Variants in SEC24D observed in about 807,000 individuals in gnomAD.
SEC24D encodes protein transport protein Sec24D.
SEC24D carries 69 observed loss-of-function variants against 116.9 expected under a neutral mutation model. The ratio of observed to expected loss-of-function variants is 0.59; its 90% CI spans 0.49 to 0.72. SEC24D has a LOEUF of 0.72. SEC24D is among the 30% of genes least tolerant of loss of function. SEC24D has a pLI of 0.00. For synonymous variants in SEC24D, 405 were observed against 442.8 expected (o/e 0.91, Z 1.07); for missense variants, 1,131 against 1,264.1 (o/e 0.89, Z 1.60).
chr4:118,785,824 G>A (rs1415731539), intron 8 of SEC24D, among the ~76,000 whole-genome samples: 1 of 152,086 alleles, frequency 6.6e-6, no homozygotes, highest in Non-Finnish European at 1.5e-5. Flanking sequence ...GAAGGGGTTT[G>A]ATGACATCCC....
At chr4:118,820,245 A>G (rs1307994269) in intron 3 of SEC24D, among the ~76,000 whole-genome samples, 2 of 149,352 alleles carry the variant, frequency 1.3e-5, no homozygotes, top group African/African-American at 2.5e-5. Flanking sequence ...AAATGGCAAG[A>G]TCTCGGCTCA....
chr4:118,802,574 G>C (rs936624298), intron 7 of SEC24D, among the ~76,000 whole-genome samples: 1 of 152,190 alleles, frequency 6.6e-6, no homozygotes, highest in Non-Finnish European at 1.5e-5. Context: ...CAACTTTGGG[G>C]CTCCATACCA....
chr4:118,824,546 T>A, intron 3 of SEC24D, 74 bp downstream of exon 3: 2 of 1,491,174 alleles, frequency 1.3e-6, no homozygotes, highest in Non-Finnish European at 1.8e-6. Context: ...CCAATAAACA[T>A]ACAAGCTTAG....
intron 7 of SEC24D, among the ~76,000 whole-genome samples, chr4:118,799,446 G>A (rs1729326299): frequency 6.6e-6 from 1 of 152,196 alleles, no homozygotes; most frequent in Non-Finnish European, 1.5e-5. Flanking sequence ...AATTAGATAT[G>A]TACATCTGGA....
chr4:118,801,089 G>A lies in SEC24D; in HGVS notation c.914-3279C>T, dbSNP rs188747126. Among the ~76,000 whole-genome samples, 344 of 152,086 alleles carry A rather than the reference G, an allele frequency of 2.3e-3. 1 individual carries two copies. Among genetic ancestry groups the A allele is most frequent in the Non-Finnish European group, 2.8e-3 (189 of 67,984 alleles). On this transcript the variant is annotated intron_variant, in intron 7 of 22. Coordinates refer to ENST00000280551, the MANE Select transcript of SEC24D (RefSeq NM_014822.4). ...ATCTTGGCTAACACGGTGAAACCCC[G>A]TCTCTATTAAAAATACAAAAAAATC...
At chr4:118,730,052 T>A (rs1725604629) in intron 21 of SEC24D, 1 of 152,210 alleles carries the variant, frequency 6.6e-6, no homozygotes, top group East Asian at 1.9e-4. Context: ...GAAATACCAG[T>A]ATGCTGATAT....
At chr4:118,724,026 C>T (rs1725283155) in intron 22 of SEC24D, among the ~76,000 whole-genome samples, 1 of 152,142 alleles carries the variant, frequency 6.6e-6, no homozygotes. Flanking sequence ...TAAATTATCA[C>T]AGGCTTCTTC....
chr4:118,824,548 C>T (rs1578478145), intron 3 of SEC24D, 72 bp downstream of exon 3: 4 of 1,496,704 alleles, frequency 2.7e-6, no homozygotes, highest in Non-Finnish European at 3.6e-6. Context: ...AATAAACATA[C>T]AAGCTTAGAA....
rs140990828 is a variant in SEC24D, at chr4:118,723,660, GAAAA to G, written c.2959-9_2959-6del. 6 of 1,431,998 alleles carry G rather than the reference GAAAA, an allele frequency of 4.2e-6. No homozygotes were observed. The Admixed American group carries it at 8.4e-5, about 20-fold the overall frequency. The allele number at this position is 1,431,998 out of a possible 1,614,324, so 88.7% of individuals were successfully genotyped here. ...TCGCTGCTTTACAATTGTGAGCTAG[GAAAA>G]AAAAAACAAAACAGTAACAGCCCCT... is the stretch of plus-strand genomic sequence containing the variant. On this transcript the variant is annotated splice_polypyrimidine_tract_variant and splice_region_variant and intron_variant, in intron 22 of 22. Coordinates refer to ENST00000280551, the MANE Select transcript of SEC24D (RefSeq NM_014822.4).
At chr4:118,728,954 A>G in intron 21 of SEC24D, 1 of 224,198 alleles carries the variant, frequency 4.5e-6, no homozygotes, top group Non-Finnish European at 8.7e-6. Flanking sequence ...TGGGTTCTGC[A>G]TCCATGGATT....
chr4:118,790,625 A>G (rs1472513494), intron 8 of SEC24D, among the ~76,000 whole-genome samples: 2 of 152,068 alleles, frequency 1.3e-5, no homozygotes, highest in African/African-American at 4.8e-5. Context: ...ACGAAATTTA[A>G]ACAGTGACAA....
At chr4:118,829,938 T>C (rs1240248335) in intron 2 of SEC24D, among the ~76,000 whole-genome samples, 1 of 152,208 alleles carries the variant, frequency 6.6e-6, no homozygotes, top group Non-Finnish European at 1.5e-5. Context: ...TACAGTGGAA[T>C]AGATACTTCA....
At chr4:118,770,841 C>G (rs1031676634) in intron 8 of SEC24D, among the ~76,000 whole-genome samples, 1 of 152,162 alleles carries the variant, frequency 6.6e-6, no homozygotes, top group Admixed American at 6.5e-5. Context: ...CAAGTCATGA[C>G]TGTGTCTAGG....
chr4:118,757,579 A>G, intron 11 of SEC24D, 142 bp downstream of exon 11: 1 of 651,356 alleles, frequency 1.5e-6, no homozygotes, highest in Non-Finnish European at 2.6e-6. Context: ...ACTCAAAACA[A>G]TGATGCTGTT....
intron 2 of SEC24D, among the ~76,000 whole-genome samples, chr4:118,828,692 A>G (rs2110540578): frequency 6.6e-6 from 1 of 152,264 alleles, no homozygotes; most frequent in East Asian, 1.9e-4. Flanking sequence ...TGCAGAGAGC[A>G]GTATGCCCAG....
At chr4:118,832,617 G>A (rs1209632163) in intron 2 of SEC24D, among the ~76,000 whole-genome samples, 1 of 152,152 alleles carries the variant, frequency 6.6e-6, no homozygotes, top group Non-Finnish European at 1.5e-5. Flanking sequence ...ACTACTTGCT[G>A]TCTGTGACCT....
chr4:118,778,920 T>C (rs1023231159), intron 8 of SEC24D, among the ~76,000 whole-genome samples: 3 of 152,204 alleles, frequency 2.0e-5, no homozygotes, highest in Non-Finnish European at 4.4e-5. Context: ...TATTGGTATA[T>C]AGGAATGCTT....
In SEC24D at chr4:118,723,070, T is replaced by C. The variant is rs1304710054; in HGVS notation, c.*445A>G. On this transcript the variant is annotated 3_prime_UTR_variant, in exon 23 of 23. Coordinates refer to ENST00000280551, the MANE Select transcript of SEC24D (RefSeq NM_014822.4). ...TGCAGACCTTAAGTTGAAAAATGTG[T>C]TCAATGGAGTTACATGGTTTTAGAA... The C allele has an allele frequency of 6.5e-6, 1 of 152,902 alleles. No individual in the cohort carries two copies. Among genetic ancestry groups the C allele is most frequent in the Non-Finnish European group, 1.5e-5 (1 of 68,276 alleles). 9.5% of individuals were successfully genotyped at this position (152,902 alleles called of 1,614,324 possible). A position where few individuals can be genotyped will look rare whatever the true frequency, so the allele number is the denominator to read the frequency against.
At chr4:118,756,325 T>C (rs1727090589) in intron 11 of SEC24D, among the ~76,000 whole-genome samples, 1 of 152,156 alleles carries the variant, frequency 6.6e-6, no homozygotes, top group Non-Finnish European at 1.5e-5. Flanking sequence ...ACGCCTTTCT[T>C]ATGCCACCAT....
Sources: allele counts gnomAD v4.1 joint callset (sites outside exome capture counted in the v4.1 genomes callset), GRCh38; gene constraint gnomAD v4.1.1; transcripts MANE v1.5; gene names NCBI Gene and HGNC (gene_info 2026-07-23, HGNC 2026-07-21).